GALNT12: variants seen among roughly 807,000 people sequenced by gnomAD.
GALNT12 encodes the protein polypeptide N-acetylgalactosaminyltransferase 12.
GALNT12 carries 45 observed loss-of-function variants against 55.5 expected under a neutral mutation model. The observed-to-expected ratio is 0.81, with a 90% CI of 0.64 to 1.04. The LOEUF is 1.04. Ranked by LOEUF, GALNT12 falls within the 50% of genes least tolerant of loss-of-function variation. GALNT12 has a pLI of 0.00. For missense variants in GALNT12, 709 were observed against 754.8 expected (o/e 0.94, Z 0.71); for synonymous variants, 304 against 312.2 (o/e 0.97, Z 0.28).
In GALNT12 at chr9:98,849,196, G is replaced by T. The variant is rs1197062853; in HGVS notation, c.*104G>T. 2 of 1,187,208 alleles carry T rather than the reference G, an allele frequency of 1.7e-6. No individual in the cohort carries two copies. The highest frequency in any genetic ancestry group is 1.3e-5 in the South Asian group (1 of 78,870). The allele number at this position is 1,187,208 out of a possible 1,614,324, so 73.5% of individuals were successfully genotyped here. On this transcript the variant is annotated 3_prime_UTR_variant, in exon 10 of 10. Transcript: ENST00000375011. ...ACCAGAACCCACCAAAAACTAGGCTGCATTGCTTTGAAGAGGCAATCATTT... is the reference window on the plus strand; with the variant it reads ...ACCAGAACCCACCAAAAACTAGGCTTCATTGCTTTGAAGAGGCAATCATTT...
chr9:98,811,699 T>TA (rs1266644399), intron 1 of GALNT12, among the ~76,000 whole-genome samples: 1 of 151,408 alleles, frequency 6.6e-6, no homozygotes, highest in African/African-American at 2.4e-5. Context: ...TTTTTTTTTT[T>TA]TGAGATGGAG....
chr9:98,822,121 G>A (rs1835756671), intron 1 of GALNT12, among the ~76,000 whole-genome samples: 2 of 152,188 alleles, frequency 1.3e-5, no homozygotes, highest in African/African-American at 4.8e-5. Context: ...TCTTTGATCT[G>A]TCACTTAACT....
intron 2 of GALNT12, 25 bp from the exon 3 acceptor site, chr9:98,826,727 C>T (rs974542343): frequency 5.6e-6 from 9 of 1,606,380 alleles, no homozygotes; most frequent in Non-Finnish European, 7.6e-6. Context: ...CACGGTGACC[C>T]CTGTTGCTTT....
At chr9:98,841,837 A>ATTT (rs935498238) in intron 7 of GALNT12, among the ~76,000 whole-genome samples, 2 of 145,846 alleles carry the variant, frequency 1.4e-5, no homozygotes, top group African/African-American at 5.0e-5. Context: ...TGCCTGGCTA[A>ATTT]TTTTTTTTTT....
At chr9:98,816,389 G>A (rs28463604) in intron 1 of GALNT12, among the ~76,000 whole-genome samples, 1,092 of 130,464 alleles carry the variant, frequency 8.4e-3, no homozygotes, top group Middle Eastern at 0.028. Flanking sequence ...ATTAAAAAAA[G>A]AAAAAAAAAA....
At chr9:98,848,768 G>A (rs980774047) in intron 9 of GALNT12, 184 bp from the exon 10 acceptor site, 4 of 690,332 alleles carry the variant, frequency 5.8e-6, no homozygotes, top group Non-Finnish European at 7.4e-6. Flanking sequence ...GCGGGACGCA[G>A]CCTGTACAAG....
Position 98,848,999 on chromosome 9 carries a change from G to A in GALNT12, c.1653G>A (p.Ala551=), listed in dbSNP as rs776668170. The A allele has an allele frequency of 5.6e-6, 9 of 1,614,086 alleles. No individual in the cohort carries two copies. The Admixed American group carries it at 6.7e-5, about 12-fold the overall frequency. ...HEQSKKCVQA[A]RKESSDSFVP... The stretch of plus-strand genomic sequence containing the variant: ...AGTCCAAGAAATGTGTCCAGGCTGC[G>A]AGGAAGGAGTCGAGTGACAGTTTCG... Residue 551 remains alanine (A), a synonymous_variant, in exon 10 of 10, where the codon GCG becomes GCA. Transcript: ENST00000375011.
chr9:98,842,789 A>AT (rs1202919677), intron 7 of GALNT12, among the ~76,000 whole-genome samples: 1 of 150,232 alleles, frequency 6.7e-6, no homozygotes, highest in East Asian at 2.0e-4. Flanking sequence ...TGTAACTTAA[A>AT]TTTTTTTAGT....
chr9:98,819,693 C>G (rs116805475), intron 1 of GALNT12, among the ~76,000 whole-genome samples: 1 of 151,980 alleles, frequency 6.6e-6, no homozygotes, highest in South Asian at 2.1e-4. Flanking sequence ...CCCTGGACCC[C>G]GAGAAGGAGA....
rs1480751444 is a variant in GALNT12, at chr9:98,826,926, A to C, written c.716A>C (p.Glu239Ala). The C allele has an allele frequency of 6.4e-7, 1 of 1,564,328 alleles. No homozygotes were observed. Among genetic ancestry groups the C allele is most frequent in the Non-Finnish European group, 8.7e-7 (1 of 1,154,292 alleles). The change falls in exon 3 of 10, where the codon GAG becomes GCG. Residue 239 changes from glutamate (E) to alanine (A), a missense_variant. Glu to Ala is a moderately radical substitution (Grantham distance 107). Coordinates refer to ENST00000375011, the MANE Select transcript of GALNT12 (RefSeq NM_024642.5). ...TGTGAGTGCCACGAAGGGTGGCTGG[A>C]GCCGCTGCTGCAGAGGTACGTGAGC... ...CHCECHEGWL[E>A]PLLQRIHEEE... is the part of the protein sequence containing the mutation.
At position 98,844,143 on chromosome 9, in the gene GALNT12, C is replaced by T. The variant is rs35616709; in HGVS notation, c.1392C>T (p.Pro464=). Residue 464 remains proline (P), a synonymous_variant, in exon 8 of 10, where the codon CCC becomes CCT. Transcript: ENST00000375011. ...LTDYCFDYNP[P]DENQIVGHQV... is the part of the protein sequence containing the mutation. ...ACTACTGCTTTGACTATAACCCTCCCGATGAAAACCAGATTGTGGGACACC... is the reference window on the plus strand; with the variant it reads ...ACTACTGCTTTGACTATAACCCTCCTGATGAAAACCAGATTGTGGGACACC... 2.7e-4 allele frequency: 430 copies of T among 1,613,924 alleles called. 3 individuals are homozygous for T. The East Asian group carries it at 8.7e-3, about 33-fold the overall frequency.
Position 98,807,703 on chromosome 9 carries a change from G to C in GALNT12, c.5G>C (p.Trp2Ser), listed in dbSNP as rs898798901. MWGRTARRRCPR... is the reference protein window; with the variant it reads MSGRTARRRCPR... ...CTGGCTGCAGTTGGCGGGCGCATGT[G>C]GGGGCGCACGGCGCGGCGGCGCTGC... The change falls in exon 1 of 10, where the codon TGG (tryptophan) becomes TCG (serine). Residue 2 changes from tryptophan to serine, a missense_variant. Trp to Ser is a radical substitution (Grantham distance 177, BLOSUM62 -3). Coordinates refer to ENST00000375011, the MANE Select transcript of GALNT12 (RefSeq NM_024642.5). 2.8e-5 allele frequency: 32 copies of C among 1,152,366 alleles called. No individual in the cohort carries two copies. The highest frequency in any genetic ancestry group is 3.7e-4 in the Middle Eastern group (1 of 2,734). The allele number at this position is 1,152,366 out of a possible 1,614,324, so 71.4% of individuals were successfully genotyped here.
At chr9:98,808,494 C>T (rs1835426621) in intron 1 of GALNT12, among the ~76,000 whole-genome samples, 1 of 152,162 alleles carries the variant, frequency 6.6e-6, no homozygotes, top group Non-Finnish European at 1.5e-5. Flanking sequence ...TGTGCCAGGG[C>T]CTAAGGGACA....
At chr9:98,838,115 C>T (rs917727305) in intron 6 of GALNT12, among the ~76,000 whole-genome samples, 16 of 152,134 alleles carry the variant, frequency 1.1e-4, no homozygotes, top group African/African-American at 2.4e-4. Context: ...GGGACACATC[C>T]GCCTTATTAG....
intron 7 of GALNT12, among the ~76,000 whole-genome samples, chr9:98,841,216 A>AT (rs1184921790): frequency 6.6e-6 from 1 of 151,814 alleles, no homozygotes; most frequent in South Asian, 2.1e-4. Context: ...TGCAATTGCT[A>AT]TTTTTTTCTT....
chr9:98,842,674 G>A (rs1045957076), intron 7 of GALNT12, among the ~76,000 whole-genome samples: 31 of 151,960 alleles, frequency 2.0e-4, no homozygotes, highest in Non-Finnish European at 4.3e-4. Context: ...CCTTTGTTGG[G>A]TAACGGTATT....
intron 1 of GALNT12, among the ~76,000 whole-genome samples, chr9:98,818,638 G>A (rs149503737): frequency 1.3e-5 from 2 of 152,078 alleles, no homozygotes; most frequent in African/African-American, 2.4e-5. Flanking sequence ...TCACTCAGTC[G>A]GGAACAGTTC....
At chr9:98,814,811 G>A (rs567683741) in intron 1 of GALNT12, among the ~76,000 whole-genome samples, 26 of 152,172 alleles carry the variant, frequency 1.7e-4, no homozygotes, top group African/African-American at 4.6e-4. Context: ...AGGGTTGTTA[G>A]GAAGGCTACA....
chr9:98,812,926 C>T (rs1320087560), intron 1 of GALNT12, among the ~76,000 whole-genome samples: 3 of 152,164 alleles, frequency 2.0e-5, no homozygotes, highest in Admixed American at 6.5e-5. Context: ...TAGTATTGAT[C>T]ATCTTCTCTC....
Sources: allele counts gnomAD v4.1 joint callset (sites outside exome capture counted in the v4.1 genomes callset), GRCh38; gene constraint gnomAD v4.1.1; transcripts MANE v1.5; gene names NCBI Gene and HGNC (gene_info 2026-07-23, HGNC 2026-07-21).